The following APOC1 variants were observed in gnomAD, a reference collection of about 807,000 sequenced individuals.
APOC1 encodes the protein apolipoprotein C1, also known as apolipoprotein C-I.
A neutral mutation model predicts 6.7 loss-of-function variants in APOC1; 4 were observed. That is an observed-to-expected ratio of 0.60 (90% CI 0.29 to 1.37). The LOEUF (loss-of-function observed/expected upper bound fraction) is 1.37. Among genes scored for constraint, APOC1 ranks in the 40% most tolerant of loss-of-function variants. The pLI is 0.09. For missense variants in APOC1, 122 were observed against 99.4 expected (o/e 1.23, Z -0.97); for synonymous variants, 33 against 40.6 (o/e 0.81, Z 0.72).
In APOC1 at chr19:44,919,339, A is replaced by T. The variant is rs2122166973; in HGVS notation, c.*109A>T. The T allele has an allele frequency of 9.9e-7, 1 of 1,006,668 alleles. No homozygotes were observed. The highest frequency in any genetic ancestry group is 2.4e-5 in the East Asian group (1 of 41,948). 62.4% of individuals were successfully genotyped at this position (1,006,668 alleles called of 1,614,324 possible). A position where few individuals can be genotyped will look rare whatever the true frequency, so the allele number is the denominator to read the frequency against. On this transcript the variant is annotated 3_prime_UTR_variant, in exon 4 of 4. Transcript: ENST00000592535. Reference sequence around the variant, plus strand: ...CCCAGGTGCCACCAATAAAAATCCTACAGAAAATTCTCTCCTGAGTGCTTC... The same window carrying T: ...CCCAGGTGCCACCAATAAAAATCCTTCAGAAAATTCTCTCCTGAGTGCTTC...
intron 3 of APOC1, among the ~76,000 whole-genome samples, chr19:44,916,809 CAAAAAAAAAAAAAA>C (rs1160183813): frequency 5.6e-4 from 26 of 46,400 alleles, no homozygotes; most frequent in African/African-American, 2.5e-3. Context: ...GACTCTGTCT[CAAAAAAAAAAAAAA>C]AAAAAAAAAA....
At chr19:44,916,838 A>G (rs1461907289) in intron 3 of APOC1, among the ~76,000 whole-genome samples, 1 of 148,110 alleles carries the variant, frequency 6.8e-6, no homozygotes, top group Non-Finnish European at 1.5e-5. Context: ...AAAAAAAACA[A>G]GATGGTCTTG....
chr19:44,917,426 A>T (rs1340419247), intron 3 of APOC1, among the ~76,000 whole-genome samples: 1 of 151,520 alleles, frequency 6.6e-6, no homozygotes, highest in Non-Finnish European at 1.5e-5. Context: ...AATGCAAAAA[A>T]AATTAGCTGG....
At chr19:44,915,090 G>GT in intron 2 of APOC1, 141 bp downstream of exon 2, 1 of 850,464 alleles carries the variant, frequency 1.2e-6, no homozygotes, top group Non-Finnish European at 1.9e-6. Context: ...GGTCGGGTGG[G>GT]TCTCCAGGTT....
intron 2 of APOC1, 166 bp downstream of exon 2, chr19:44,915,115 C>T (rs1447245610): frequency 1.5e-6 from 1 of 680,754 alleles, no homozygotes; most frequent in East Asian, 2.7e-5. Context: ...CAGGCTCAGT[C>T]CCGCAGGCGC....
At chr19:44,916,097 A>C in intron 2 of APOC1, 93 bp from the exon 3 acceptor site, 3 of 1,376,392 alleles carry the variant, frequency 2.2e-6, no homozygotes, top group Non-Finnish European at 2.8e-6. Context: ...AGATCATGCC[A>C]CTGCACTCCA....
chr19:44,918,554 A>G (rs1375892811), intron 3 of APOC1, among the ~76,000 whole-genome samples: 1 of 150,950 alleles, frequency 6.6e-6, no homozygotes, highest in Non-Finnish European at 1.5e-5. Context: ...TAGAATGTAG[A>G]ATTTACTTAG....
At chr19:44,917,243 C>T (rs1259315948) in intron 3 of APOC1, among the ~76,000 whole-genome samples, 1 of 152,124 alleles carries the variant, frequency 6.6e-6, no homozygotes, top group African/African-American at 2.4e-5. Flanking sequence ...TTCGTTCTTT[C>T]AAAAATATTT....
At chr19:44,917,141 TA>T (rs1366418235) in intron 3 of APOC1, among the ~76,000 whole-genome samples, 1 of 152,136 alleles carries the variant, frequency 6.6e-6, no homozygotes, top group Admixed American at 6.6e-5. Context: ...TACAGGGAAG[TA>T]AAGGAGCAGG....
intron 2 of APOC1, chr19:44,915,232 G>T: frequency 1.9e-6 from 1 of 516,040 alleles, no homozygotes. Context: ...GCTGGGTGGG[G>T]GGCTCTGGGA....
chr19:44,916,342 G>A lies in APOC1; in HGVS notation c.194+17G>A, dbSNP rs781767776. ...CAAGATGCGGTTAGAACCCTTCCCA[G>A]GGCACGGGAGAGCTGGGGTGTGTTT... On this transcript the variant is annotated intron_variant, in intron 3 of 3. Coordinates refer to ENST00000592535, the MANE Select transcript of APOC1 (RefSeq NM_001645.5). 1 of 1,613,012 alleles carries A rather than the reference G, an allele frequency of 6.2e-7. No homozygotes were observed. The highest frequency in any genetic ancestry group is 1.7e-5 in the Admixed American group (1 of 59,790).
intron 3 of APOC1, among the ~76,000 whole-genome samples, chr19:44,917,181 C>A (rs868863333): frequency 6.6e-6 from 1 of 152,314 alleles, no homozygotes; most frequent in South Asian, 2.1e-4. Flanking sequence ...CATGTAGATG[C>A]TCAGTATATC....
chr19:44,916,408 GAAAA>G (rs770417540), intron 3 of APOC1, 83 bp downstream of exon 3: 2 of 1,510,814 alleles, frequency 1.3e-6, no homozygotes, highest in Non-Finnish European at 8.9e-7. Flanking sequence ...TGAACAGATT[GAAAA>G]AAAAACAAGT....
At chr19:44,918,643 C>CT (rs1391567350) in intron 3 of APOC1, among the ~76,000 whole-genome samples, 2 of 151,248 alleles carry the variant, frequency 1.3e-5, no homozygotes, top group Admixed American at 6.6e-5. Context: ...TCCCAAAGTG[C>CT]TGGGATTACA....
At position 44,915,084 on chromosome 19, in the gene APOC1, G is replaced by C. The variant is rs746999424; in HGVS notation, c.58+135G>C. 5.5e-6 allele frequency: 5 copies of C among 917,332 alleles called. No homozygotes were observed. In the South Asian group the frequency reaches 5.7e-5, roughly 11 times the overall value. The allele number at this position is 917,332 out of a possible 1,614,324, so 56.8% of individuals were successfully genotyped here. A position where few individuals can be genotyped will look rare whatever the true frequency, so the allele number is the denominator to read the frequency against. ...GGGTCGTGGTTGCCTCATCGTGGTC[G>C]GGTGGGTCTCCAGGTTCTCCCAGGC... On this transcript the variant is annotated intron_variant, in intron 2 of 3. Coordinates refer to ENST00000592535, the MANE Select transcript of APOC1 (RefSeq NM_001645.5).
chr19:44,916,137 CAAAAAAAAAA>C, intron 2 of APOC1, 43 bp from the exon 3 acceptor site: 2 of 897,132 alleles, frequency 2.2e-6, no homozygotes, highest in Admixed American at 1.0e-4. Flanking sequence ...ACTCCATCTC[CAAAAAAAAAA>C]AAAAAAAAAC....
rs1373062732 is a variant in APOC1, at chr19:44,919,252, A to G, written c.*22A>G. The G allele has an allele frequency of 1.9e-6, 3 of 1,611,390 alleles. No individual in the cohort carries two copies. Among genetic ancestry groups the G allele is most frequent in the Admixed American group, 1.7e-5 (1 of 59,958 alleles). On this transcript the variant is annotated 3_prime_UTR_variant, in exon 4 of 4. Coordinates refer to ENST00000592535, the MANE Select transcript of APOC1 (RefSeq NM_001645.5). ...ATGAGGACCTGAAGGGTGACATCCCAGGAGGGGCCTCTGAAATTTCCCACA... is the reference window on the plus strand; with the variant it reads ...ATGAGGACCTGAAGGGTGACATCCCGGGAGGGGCCTCTGAAATTTCCCACA...
chr19:44,916,398 T>C (rs751199000), intron 3 of APOC1, 73 bp downstream of exon 3: 7 of 1,580,906 alleles, frequency 4.4e-6, no homozygotes, highest in Middle Eastern at 2.2e-4. Context: ...TGGTCCAAGA[T>C]GAACAGATTG....
At chr19:44,915,048 G>A (rs1422266236) in intron 2 of APOC1, 99 bp downstream of exon 2, 3 of 1,375,236 alleles carry the variant, frequency 2.2e-6, no homozygotes, top group Non-Finnish European at 3.1e-6. Context: ...GAGAGCTCCG[G>A]GGCCCCTTCT....
Sources: gnomAD v4.1 joint callset for allele counts (sites outside exome capture counted in the v4.1 genomes callset) on GRCh38, gnomAD v4.1.1 for gene constraint, MANE v1.5 for transcripts, NCBI Gene and HGNC (gene_info 2026-07-23, HGNC 2026-07-21) for gene names.